The following SGCD variants were observed in gnomAD, a reference collection of about 807,000 sequenced individuals.
SGCD encodes delta-sarcoglycan.
SGCD carries 18 observed loss-of-function variants against 36.6 expected under a neutral mutation model. That is an observed-to-expected ratio of 0.49 (90% confidence interval 0.34 to 0.73). SGCD has a LOEUF of 0.73. SGCD is among the 30% of genes least tolerant of loss of function. The probability of loss-of-function intolerance (pLI) is 0.01; values close to 1 mark genes in which losing one functional copy is unlikely to be tolerated. For missense variants in SGCD, 387 were observed against 346.7 expected (o/e 1.12, Z -0.92); for synonymous variants, 133 against 130.6 (o/e 1.02, Z -0.12).
At chr5:156,166,270 G>A (rs527429204) in intron 3 of SGCD, among the ~76,000 whole-genome samples, 3 of 151,914 alleles carry the variant, frequency 2.0e-5, no homozygotes, top group East Asian at 3.9e-4. Context: ...AAAAGGTACT[G>A]TAGTGCCTAC....
chr5:155,920,687 A>G (rs1756857716), intron 1 of SGCD, among the ~76,000 whole-genome samples: 1 of 152,162 alleles, frequency 6.6e-6, no homozygotes. Flanking sequence ...TTATATTTCC[A>G]TATGAACCAG....
the SGCD span, among the ~76,000 whole-genome samples, chr5:155,853,704 A>G: frequency 6.6e-6 from 1 of 152,186 alleles, no homozygotes; most frequent in African/African-American, 2.4e-5. Context: ...TTGCTAATGA[A>G]AACAAAAAGG....
intron 4 of SGCD, among the ~76,000 whole-genome samples, chr5:156,531,801 A>AT (rs1757901955): frequency 1.3e-5 from 2 of 151,420 alleles, no homozygotes. Flanking sequence ...GGAAAAAAAA[A>AT]GACTCTACGT....
chr5:155,733,675 T>C, the SGCD span, among the ~76,000 whole-genome samples: 7 of 151,952 alleles, frequency 4.6e-5, no homozygotes, highest in Non-Finnish European at 1.0e-4. Context: ...CCTACTTTCC[T>C]GGGATGACTG....
intron 3 of SGCD, among the ~76,000 whole-genome samples, chr5:156,187,033 A>G (rs1466527848): frequency 2.0e-5 from 3 of 152,228 alleles, no homozygotes; most frequent in African/African-American, 7.2e-5. Context: ...AGCAATGAAC[A>G]TAGAAGGGCA....
chr5:156,130,819 C>A (rs1038330602), intron 3 of SGCD, among the ~76,000 whole-genome samples: 1 of 152,058 alleles, frequency 6.6e-6, no homozygotes, highest in Non-Finnish European at 1.5e-5. Context: ...CTCTGCCTCC[C>A]AGGTTCAAGT....
chr5:156,280,022 T>G lies in SGCD; in HGVS notation c.-43-49512T>G, dbSNP rs6894660. On this transcript the variant is annotated intron_variant, in intron 3 of 9. Coordinates refer to the SGCD transcript ENST00000517913. Reference sequence around the variant, plus strand: ...ACACACACACAAACATATGTGTGGGTTTTTTTCTTGTCTCCCTCATTTCTA... The same window carrying G: ...ACACACACACAAACATATGTGTGGGGTTTTTTCTTGTCTCCCTCATTTCTA... Among the ~76,000 whole-genome samples, 850 of 151,992 alleles carry G rather than the reference T, an allele frequency of 5.6e-3. 9 individuals carry two copies. The highest frequency in any genetic ancestry group is 0.018 in the African/African-American group (767 of 41,480).
At chr5:155,995,057 C>A (rs901211894) in intron 1 of SGCD, among the ~76,000 whole-genome samples, 3 of 152,162 alleles carry the variant, frequency 2.0e-5, no homozygotes, top group Non-Finnish European at 2.9e-5. Flanking sequence ...CCCACGGGCC[C>A]TAGGTTTTTG....
At chr5:156,508,801 G>C (rs537978720) in intron 4 of SGCD, 99 bp downstream of exon 4, 10 of 673,682 alleles carry the variant, frequency 1.5e-5, no homozygotes, top group East Asian at 1.3e-4. Flanking sequence ...AATTGGGGTG[G>C]GGAGTAATAC....
chr5:156,700,892 A>G lies in SGCD; in HGVS notation c.575+53356A>G, dbSNP rs117779567. Among the ~76,000 whole-genome samples, 174 of 146,288 alleles carry G rather than the reference A, an allele frequency of 1.2e-3. 3 individuals are homozygous for G. In the East Asian group the frequency reaches 0.033, roughly 27 times the overall value. On this transcript the variant is annotated intron_variant, in intron 7 of 8. Coordinates refer to ENST00000337851, the MANE Select transcript of SGCD (RefSeq NM_000337.6). ...TAGGAGGTCGAGCCTGCAGTGAGCCATGGTTGTGCCACTGCACTCCAGCCT... is the reference window on the plus strand; with the variant it reads ...TAGGAGGTCGAGCCTGCAGTGAGCCGTGGTTGTGCCACTGCACTCCAGCCT...
At chr5:156,544,836 G>A (rs1180276252) in intron 4 of SGCD, among the ~76,000 whole-genome samples, 7 of 152,050 alleles carry the variant, frequency 4.6e-5, no homozygotes. Context: ...TTATCTTAAC[G>A]AGCACTTGGA....
At chr5:155,734,740 C>T in the SGCD span, among the ~76,000 whole-genome samples, 12 of 152,144 alleles carry the variant, frequency 7.9e-5, no homozygotes, top group Admixed American at 6.5e-4. Flanking sequence ...GAAATCGCCT[C>T]CAAATATTTG....
rs1158844774 is a variant in SGCD at position 156,448,731 on chromosome 5, C to CTTTTTTT, written c.193-59848_193-59842dup. On this transcript the variant is annotated intron_variant, in intron 3 of 8. Coordinates refer to ENST00000337851, the MANE Select transcript of SGCD (RefSeq NM_000337.6). ...GTGGGAGAAGTTTCTTTTTCTTTTT[C>CTTTTTTT]TTTTTTTTTTTTTTTTTTTTTTTTT... is the stretch of plus-strand genomic sequence containing the variant. Among the ~76,000 whole-genome samples, 526 of 76,102 alleles carry CTTTTTTT rather than the reference C, an allele frequency of 6.9e-3. 11 individuals carry two copies. Among genetic ancestry groups the CTTTTTTT allele is most frequent in the Middle Eastern group, 0.011 (1 of 92 alleles). The allele number at this position is 76,102 out of a possible 152,430, so 49.9% of individuals were successfully genotyped here.
At chr5:156,673,235 A>G (rs532417290) in intron 7 of SGCD, among the ~76,000 whole-genome samples, 1 of 152,338 alleles carries the variant, frequency 6.6e-6, no homozygotes, top group African/African-American at 2.4e-5. Context: ...GCCTAAGCAC[A>G]TATTTATCTC....
chr5:156,039,844 G>A (rs1759592845), intron 1 of SGCD, among the ~76,000 whole-genome samples: 1 of 152,104 alleles, frequency 6.6e-6, no homozygotes, highest in South Asian at 2.1e-4. Context: ...CTCTTGTCAT[G>A]ACTCCTATAT....
rs182687948 is a variant in SGCD at position 156,589,860 on chromosome 5, G to T, written c.382+542G>T. On this transcript the variant is annotated intron_variant, in intron 5 of 8. Transcript: ENST00000337851. The stretch of plus-strand genomic sequence containing the variant: ...GTGTGTAATTTCTTTTAATACAGCA[G>T]ATCTGTGCCTAACGGCTGTGGAAAG... 1.2e-4 allele frequency among the ~76,000 whole-genome samples: 18 copies of T among 152,318 alleles called. No homozygotes were observed. In the East Asian group the frequency reaches 3.3e-3, roughly 28 times the overall value.
At chr5:156,557,926 G>T (rs1325286348) in intron 4 of SGCD, among the ~76,000 whole-genome samples, 1 of 151,362 alleles carries the variant, frequency 6.6e-6, no homozygotes, top group Non-Finnish European at 1.5e-5. Context: ...GTTATATCCT[G>T]ATTTGGAGAG....
rs376664181 is a variant in SGCD at position 156,430,187 on chromosome 5, T to C, written c.193-78414T>C. Reference sequence around the variant, plus strand: ...TTGGCCATTTTACATAATTCCATATTTCATGGATACTTTGTTCAGTTTTTA... The same window carrying C: ...TTGGCCATTTTACATAATTCCATATCTCATGGATACTTTGTTCAGTTTTTA... On this transcript the variant is annotated intron_variant, in intron 3 of 8. Transcript: ENST00000337851. Among the ~76,000 whole-genome samples the C allele has an allele frequency of 2.6e-4, 40 of 152,288 alleles. No homozygotes were observed. The South Asian group carries it at 7.7e-3, about 29-fold the overall frequency.
chr5:156,091,670 A>G (rs972924001), intron 1 of SGCD, among the ~76,000 whole-genome samples: 4 of 152,248 alleles, frequency 2.6e-5, no homozygotes, highest in Non-Finnish European at 4.4e-5. Context: ...GGCTGGAAAC[A>G]GTGTAACAGG....
Sources: allele counts gnomAD v4.1 joint callset (sites outside exome capture counted in the v4.1 genomes callset), GRCh38; gene constraint gnomAD v4.1.1; transcripts MANE v1.5; gene names NCBI Gene and HGNC (gene_info 2026-07-23, HGNC 2026-07-21).